Variants in SLCO3A1 observed in about 807,000 individuals in gnomAD.
SLCO3A1 encodes the protein solute carrier organic anion transporter family member 3A1, also known as PGE1 transporter.
In SLCO3A1, 27 loss-of-function variants were observed where a neutral mutation model predicts 63.1. The ratio of observed to expected loss-of-function variants is 0.43; its 90% CI spans 0.32 to 0.59. The LOEUF (loss-of-function observed/expected upper bound fraction) is 0.59, where lower values mean the gene tolerates loss of function less well. SLCO3A1 is among the 20% of genes least tolerant of loss of function. SLCO3A1 has a pLI of 0.09. For synonymous variants in SLCO3A1, 473 were observed against 409.9 expected (o/e 1.15, Z -1.86); for missense variants, 773 against 945.8 (o/e 0.82, Z 2.40).
intron 2 of SLCO3A1, among the ~76,000 whole-genome samples, chr15:91,985,536 A>T (rs1265810171): frequency 6.6e-6 from 1 of 152,222 alleles, no homozygotes; most frequent in Non-Finnish European, 1.5e-5. Flanking sequence ...AATACTGCCC[A>T]AAAGTGTCAG....
chr15:92,161,966 G>A (rs2151604085), intron 9 of SLCO3A1: 1 of 152,162 alleles, frequency 6.6e-6, no homozygotes, highest in East Asian at 1.9e-4. Context: ...GCGCTGTGCA[G>A]TTTCCTCTAT....
chr15:91,913,805 CG>C (rs1898562793), intron 1 of SLCO3A1, among the ~76,000 whole-genome samples: 1 of 152,128 alleles, frequency 6.6e-6, no homozygotes, highest in African/African-American at 2.4e-5. Flanking sequence ...TAGACACACC[CG>C]GTTGGTCAGC....
intron 3 of SLCO3A1, among the ~76,000 whole-genome samples, chr15:92,099,114 G>C (rs1360623885): frequency 6.6e-6 from 1 of 152,220 alleles, no homozygotes; most frequent in African/African-American, 2.4e-5. Context: ...ATGCAGACTT[G>C]TCCTGAGGCA....
At chr15:91,959,618 G>T (rs1900362884) in intron 2 of SLCO3A1, among the ~76,000 whole-genome samples, 1 of 150,154 alleles carries the variant, frequency 6.7e-6, no homozygotes, top group Non-Finnish European at 1.5e-5. Context: ...TGTAATCCCA[G>T]GAAGCTGAGG....
At chr15:92,118,160 C>A (rs1258212403) in intron 4 of SLCO3A1, among the ~76,000 whole-genome samples, 2 of 152,142 alleles carry the variant, frequency 1.3e-5, no homozygotes, top group Non-Finnish European at 2.9e-5. Flanking sequence ...TTCTTATTAT[C>A]TTTATTCTTA....
chr15:91,918,297 G>A (rs8026365), intron 2 of SLCO3A1, among the ~76,000 whole-genome samples: 1,977 of 152,324 alleles, frequency 0.013, 39 homozygotes, highest in African/African-American at 0.044. Context: ...TTTGCATTGA[G>A]TCTTTGGTAG....
chr15:91,880,391 C>CTGTGTGTGTGTGTGTGTGTGTGTG lies in SLCO3A1; in HGVS notation c.180+26304_180+26305insGTGTGTGTGTGTGTGTGTGTGTGT, dbSNP rs1248316415. Among the ~76,000 whole-genome samples the CTGTGTGTGTGTGTGTGTGTGTGTG allele has an allele frequency of 1.1e-4, 8 of 74,496 alleles. No homozygotes were observed. The East Asian group carries it at 1.7e-3, about 16-fold the overall frequency. The allele number at this position is 74,496 out of a possible 152,430, so 48.9% of individuals were successfully genotyped here. A position where few individuals can be genotyped will look rare whatever the true frequency, so the allele number is the denominator to read the frequency against. ...TACCGGCACTCGTGCTTCTCTCTCT[C>CTGTGTGTGTGTGTGTGTGTGTGTG]TCTCTCTCTCTCTCTCTCTGTGTGT... On this transcript the variant is annotated intron_variant, in intron 1 of 9. Transcript: ENST00000318445.
chr15:92,077,023 A>C (rs952455955), intron 2 of SLCO3A1, among the ~76,000 whole-genome samples: 1 of 152,198 alleles, frequency 6.6e-6, no homozygotes, highest in African/African-American at 2.4e-5. Context: ...GCAGAAGAAG[A>C]AGCAATCACT....
intron 5 of SLCO3A1, 110 bp from the exon 6 acceptor site, chr15:92,125,951 G>A: frequency 1.2e-6 from 1 of 859,608 alleles, no homozygotes; most frequent in Non-Finnish European, 1.9e-6. Flanking sequence ...TGACACCACA[G>A]TGGGGTCATA....
chr15:91,921,343 A>C (rs1898837040), intron 2 of SLCO3A1, among the ~76,000 whole-genome samples: 1 of 152,134 alleles, frequency 6.6e-6, no homozygotes. Context: ...TCTATCTCCA[A>C]ATATAGTCAG....
At chr15:92,119,631 C>A (rs16946422) in intron 4 of SLCO3A1, among the ~76,000 whole-genome samples, 119,758 of 152,064 alleles carry the variant, frequency 0.79, 48,689 homozygotes, top group Non-Finnish European at 0.9. Flanking sequence ...GAGAAACAGC[C>A]AGAGCCACTG....
rs559747075 is a variant in SLCO3A1, at chr15:92,118,648, G to A, written c.1010-1817G>A. On this transcript the variant is annotated intron_variant, in intron 4 of 9. Coordinates refer to ENST00000318445, the MANE Select transcript of SLCO3A1 (RefSeq NM_013272.4). ...ATAATTAGCTCTCTTCTTTAGGACA[G>A]CTGGCTAATTCATCACCTTGGAATG... 2.0e-5 allele frequency among the ~76,000 whole-genome samples: 3 copies of A among 152,290 alleles called. No homozygotes were observed. In the South Asian group the frequency reaches 6.2e-4, roughly 32 times the overall value.
exon 11 of SLCO3A1, chr15:92,171,959 C>T (rs999073535): frequency 6.5e-5 from 57 of 875,590 alleles, no homozygotes; most frequent in South Asian, 1.0e-4. Flanking sequence ...TCCGAGAACC[C>T]GAGGGTCCCC....
Position 91,853,772 on chromosome 15 carries a change from C to A in SLCO3A1, c.-137C>A, listed in dbSNP as rs1896836280. The A allele has an allele frequency of 1.2e-6, 1 of 861,924 alleles. No individual in the cohort carries two copies. Among genetic ancestry groups the A allele is most frequent in the Non-Finnish European group, 1.4e-6 (1 of 702,744 alleles). 53.4% of individuals were successfully genotyped at this position (861,924 alleles called of 1,614,324 possible). A position where few individuals can be genotyped will look rare whatever the true frequency, so the allele number is the denominator to read the frequency against. On this transcript the variant is annotated 5_prime_UTR_variant, in exon 1 of 10. Transcript: ENST00000318445. Reference sequence around the variant, plus strand: ...TTCCACCTCTCCAGCCCCGGCAGGACGGGGGCGGCCGCCGCGAACCCGGGG... The same window carrying A: ...TTCCACCTCTCCAGCCCCGGCAGGAAGGGGGCGGCCGCCGCGAACCCGGGG...
chr15:92,098,256 T>C (rs2047563635), intron 3 of SLCO3A1: 1 of 152,436 alleles, frequency 6.6e-6, no homozygotes, highest in South Asian at 2.1e-4. Context: ...CAAGGAGGGC[T>C]GGTTGTAGAC....
intron 2 of SLCO3A1, among the ~76,000 whole-genome samples, chr15:91,930,786 G>A (rs1408995956): frequency 1.3e-5 from 2 of 148,498 alleles, no homozygotes; most frequent in Non-Finnish European, 3.0e-5. Flanking sequence ...ATATTATCTG[G>A]TGTAATTCTC....
intron 2 of SLCO3A1, among the ~76,000 whole-genome samples, chr15:91,918,238 T>C (rs1401705249): frequency 6.6e-6 from 1 of 152,200 alleles, no homozygotes; most frequent in Non-Finnish European, 1.5e-5. Context: ...GTAGGGCTGA[T>C]CATTTGAGGC....
intron 2 of SLCO3A1, among the ~76,000 whole-genome samples, chr15:92,026,691 G>A (rs571242917): frequency 5.5e-4 from 84 of 152,348 alleles, no homozygotes; most frequent in African/African-American, 1.9e-3. Context: ...ATGTACAAAG[G>A]AGGTGGCCAT....
intron 4 of SLCO3A1, among the ~76,000 whole-genome samples, chr15:92,116,552 G>A (rs1430049787): frequency 6.6e-6 from 1 of 152,236 alleles, no homozygotes; most frequent in African/African-American, 2.4e-5. Context: ...AAGAGAGTCT[G>A]CAGGTGTTCA....
Sources: allele counts gnomAD v4.1 joint callset (sites outside exome capture counted in the v4.1 genomes callset), GRCh38; gene constraint gnomAD v4.1.1; transcripts MANE v1.5; gene names NCBI Gene and HGNC (gene_info 2026-07-23, HGNC 2026-07-21).